Variants in SPP2 observed in about 807,000 individuals in gnomAD.
SPP2 encodes the protein secreted phosphoprotein 24.
In SPP2, 34 loss-of-function variants were observed where a neutral mutation model predicts 28.8. That is an observed-to-expected ratio of 1.18 (90% CI 0.90 to 1.57). The LOEUF (loss-of-function observed/expected upper bound fraction) is 1.57, where lower values mean the gene tolerates loss of function less well. Ranked by LOEUF, SPP2 falls within the 40% of genes most tolerant of loss-of-function variation. The pLI is 0.00. For missense variants in SPP2, 269 were observed against 263.9 expected, an observed-to-expected ratio of 1.02 and a Z score of -0.13; for synonymous variants, 96 against 89.4, an observed-to-expected ratio of 1.07 and a Z score of -0.42.
intron 7 of SPP2, among the ~76,000 whole-genome samples, chr2:234,072,498 G>C (rs762673995): frequency 1.3e-5 from 2 of 152,074 alleles, no homozygotes; most frequent in Admixed American, 1.3e-4. Flanking sequence ...CGTTGGATGT[G>C]TATACATATG....
intron 4 of SPP2, 129 bp from the exon 5 acceptor site, chr2:234,066,404 T>A: frequency 1.3e-6 from 1 of 742,074 alleles, no homozygotes; most frequent in South Asian, 1.6e-5. Flanking sequence ...TATAACGTAT[T>A]GCCTATTTCA....
intron 7 of SPP2, among the ~76,000 whole-genome samples, chr2:234,072,498 G>A (rs762673995): frequency 2.1e-4 from 32 of 152,074 alleles, no homozygotes; most frequent in Non-Finnish European, 4.1e-4. Flanking sequence ...CGTTGGATGT[G>A]TATACATATG....
intron 2 of SPP2, among the ~76,000 whole-genome samples, chr2:234,057,521 T>C (rs11563194): frequency 0.32 from 48,397 of 152,142 alleles, 8,248 homozygotes; most frequent in East Asian, 0.52. Context: ...GTTGTTGTTT[T>C]TCTTGATAGC....
intron 6 of SPP2, among the ~76,000 whole-genome samples, chr2:234,067,706 G>A (rs1001075211): frequency 7.2e-6 from 1 of 138,790 alleles, no homozygotes; most frequent in Non-Finnish European, 1.5e-5. Flanking sequence ...GAACCCGGGA[G>A]GCGGAGCTTG....
In SPP2 at chr2:234,070,020, T is replaced by A; in HGVS notation, c.*7T>A. 6.2e-7 allele frequency: 1 copy of A among 1,612,294 alleles called. No homozygotes were observed. Among genetic ancestry groups the A allele is most frequent in the Non-Finnish European group, 8.5e-7 (1 of 1,178,652 alleles). On this transcript the variant is annotated 3_prime_UTR_variant, in exon 7 of 8. Coordinates refer to ENST00000168148, the MANE Select transcript of SPP2 (RefSeq NM_006944.3). ...AAATACTGACTTTGAGTAACGGCCT[T>A]GAGGTAAGAAAATGCAGGTGCACAC...
chr2:234,072,851 T>G (rs1690823184), intron 7 of SPP2, among the ~76,000 whole-genome samples: 1 of 152,152 alleles, frequency 6.6e-6, no homozygotes, highest in African/African-American at 2.4e-5. Flanking sequence ...AAGGGTTTAT[T>G]ATTACTTTTT....
chr2:234,064,013 GA>G (rs1230018808), intron 4 of SPP2, among the ~76,000 whole-genome samples: 2 of 152,128 alleles, frequency 1.3e-5, no homozygotes, highest in Non-Finnish European at 2.9e-5. Context: ...CACATTCCCA[GA>G]AAGGAAGGAG....
chr2:234,063,718 A>G (rs944966346), intron 4 of SPP2, among the ~76,000 whole-genome samples: 4 of 152,134 alleles, frequency 2.6e-5, no homozygotes, highest in African/African-American at 9.7e-5. Context: ...AAATGGTACA[A>G]TGTATTACAG....
intron 6 of SPP2, 109 bp from the exon 7 acceptor site, chr2:234,069,819 C>A: frequency 1.2e-6 from 1 of 830,714 alleles, no homozygotes; most frequent in Non-Finnish European, 2.0e-6. Flanking sequence ...CAGATGGGTT[C>A]AGGTTATGCT....
chr2:234,069,905 A>G, intron 6 of SPP2, 23 bp from the exon 7 acceptor site: 1 of 1,582,536 alleles, frequency 6.3e-7, no homozygotes, highest in Non-Finnish European at 8.7e-7. Flanking sequence ...GACAGAGCCT[A>G]TGCTTCCCTT....
intron 2 of SPP2, among the ~76,000 whole-genome samples, chr2:234,057,393 T>C (rs1693630550): frequency 6.6e-6 from 1 of 152,232 alleles, no homozygotes; most frequent in African/African-American, 2.4e-5. Flanking sequence ...CTGCTTTCTA[T>C]TCACAGGATG....
intron 2 of SPP2, among the ~76,000 whole-genome samples, chr2:234,056,847 T>C (rs191038046): frequency 2.0e-5 from 3 of 152,236 alleles, no homozygotes; most frequent in Admixed American, 2.0e-4. Context: ...GCACTCATTA[T>C]GTGTCCTATG....
At chr2:234,053,833 A>G (rs2125450438) in intron 2 of SPP2, among the ~76,000 whole-genome samples, 1 of 150,242 alleles carries the variant, frequency 6.7e-6, no homozygotes, top group Non-Finnish European at 1.5e-5. Flanking sequence ...GCTGGGCCCT[A>G]TGCTGGGGAG....
Position 234,068,493 on chromosome 2 carries a change from A to G in SPP2, c.550+1219A>G, listed in dbSNP as rs1011757107. Among the ~76,000 whole-genome samples, 5 of 152,228 alleles carry G rather than the reference A, an allele frequency of 3.3e-5. 1 individual carries two copies. Among genetic ancestry groups the G allele is most frequent in the South Asian group, 4.1e-4 (2 of 4,838 alleles). ...GAATAACAGAGATATTAACATTTCA[A>G]TGAGCTCAAAGTCTGACCTTCATTA... On this transcript the variant is annotated intron_variant, in intron 6 of 7. Coordinates refer to ENST00000168148, the MANE Select transcript of SPP2 (RefSeq NM_006944.3).
rs143082886 is a variant in SPP2 at position 234,051,058 on chromosome 2, C to T, written c.173C>T (p.Pro58Leu). The T allele has an allele frequency of 4.1e-5, 66 of 1,613,764 alleles. No individual in the cohort carries two copies. The highest frequency in any genetic ancestry group is 1.6e-4 in the Middle Eastern group (1 of 6,076). Residue 58 changes from proline (P) to leucine (L), a missense_variant, in exon 2 of 8, where the codon CCG (proline) becomes CTG (leucine). Physicochemically the swap from Pro to Leu is moderately conservative, Grantham distance 98. Transcript: ENST00000168148. Reference protein sequence around the residue: ...VVKVNSQSLSPYLFRAFRSSL... With the variant: ...VVKVNSQSLSLYLFRAFRSSL... ...AAAGTGAATTCCCAGTCACTGAGTC[C>T]GTATCTGTTTCGGGCATTCAGAAGC... is the stretch of plus-strand genomic sequence containing the variant.
At chr2:234,055,696 T>C (rs971334876) in intron 2 of SPP2, among the ~76,000 whole-genome samples, 3 of 152,166 alleles carry the variant, frequency 2.0e-5, no homozygotes, top group African/African-American at 7.2e-5. Context: ...ACACTCACTA[T>C]AAACCCATGA....
intron 2 of SPP2, among the ~76,000 whole-genome samples, chr2:234,053,589 G>A (rs1476825357): frequency 2.0e-5 from 3 of 151,908 alleles, no homozygotes; most frequent in East Asian, 1.9e-4. Context: ...ATTCTAATGT[G>A]CGGTCTCGGT....
At chr2:234,059,087 A>AT in intron 3 of SPP2, 129 bp downstream of exon 3, 1 of 1,123,446 alleles carries the variant, frequency 8.9e-7, no homozygotes, top group Non-Finnish European at 1.2e-6. Flanking sequence ...ACATGTGGAC[A>AT]TTGTGTCCCC....
At chr2:234,071,507 A>G (rs1690781366) in intron 7 of SPP2, among the ~76,000 whole-genome samples, 1 of 152,240 alleles carries the variant, frequency 6.6e-6, no homozygotes, top group Non-Finnish European at 1.5e-5. Context: ...AAATGTAGCT[A>G]TCATGAAGGG....
Sources: gnomAD v4.1 joint callset for allele counts (sites outside exome capture counted in the v4.1 genomes callset) on GRCh38, gnomAD v4.1.1 for gene constraint, MANE v1.5 for transcripts, NCBI Gene and HGNC (gene_info 2026-07-23, HGNC 2026-07-21) for gene names.